Variants in GRK1 observed in about 807,000 individuals in gnomAD.
GRK1 encodes G protein-coupled receptor kinase 1.
GRK1 carries 28 observed loss-of-function variants against 41.7 expected under a neutral mutation model. That is an observed-to-expected ratio of 0.67 (90% CI 0.50 to 0.92). GRK1 has a LOEUF of 0.92. Ranked by LOEUF, GRK1 falls within the 40% of genes least tolerant of loss-of-function variation. The probability of loss-of-function intolerance (pLI) is 0.00; values close to 1 mark genes in which losing one functional copy is unlikely to be tolerated. For synonymous variants in GRK1, 327 were observed against 286.7 expected, an observed-to-expected ratio of 1.14 and a Z score of -1.42; for missense variants, 703 against 671.2, an observed-to-expected ratio of 1.05 and a Z score of -0.52.
chr13:113,662,539 T>C (rs80160937), upstream of GRK1, among the ~76,000 whole-genome samples: 4,199 of 152,340 alleles, frequency 0.028, 91 homozygotes, highest in Non-Finnish European at 0.04. Flanking sequence ...TGAATGCTTA[T>C]GTAGAAAATC....
chr13:113,671,615 AC>A lies in GRK1; in HGVS notation c.946del (p.Arg316AlafsTer70), dbSNP rs1167979044. ...CACCTGCACCAGAGGCGGATCGTCT[AC>A]CGCGACCTCAAGCCCGAGAACGTGC... The part of the protein sequence containing the change: ...LEHLHQRRIV[Y>X]RDLKPENVLL... On this transcript the variant is annotated frameshift_variant, in exon 3 of 7. Coordinates refer to ENST00000335678, the MANE Select transcript of GRK1 (RefSeq NM_002929.3). LOFTEE classifies it high-confidence loss of function. The surrounding 1 kb of genome is among the most constrained non-coding windows in gnomAD (Gnocchi z 4.1). 2 of 771,396 alleles carry A rather than the reference AC, an allele frequency of 2.6e-6. No homozygotes were observed. The highest frequency in any genetic ancestry group is 4.8e-6 in the Non-Finnish European group (2 of 417,740). 47.8% of individuals were successfully genotyped at this position (771,396 alleles called of 1,614,324 possible). A position where few individuals can be genotyped will look rare whatever the true frequency, so the allele number is the denominator to read the frequency against.
intron 4 of GRK1, among the ~76,000 whole-genome samples, chr13:113,728,181 G>C (rs1268798047): frequency 1.1e-4 from 12 of 111,062 alleles, no homozygotes. Context: ...CCCATGGCGA[G>C]GAGTACCCAT....
At chr13:113,660,663 C>A in the GRK1 span, among the ~76,000 whole-genome samples, 1 of 152,164 alleles carries the variant, frequency 6.6e-6, no homozygotes, top group East Asian at 1.9e-4. Context: ...CCAGGAGTTC[C>A]AGACCAGCCT....
intron 6 of GRK1, among the ~76,000 whole-genome samples, chr13:113,733,641 ATGTGTGCATACGTGTGTGTGCG>A (rs1347783461): frequency 9.2e-6 from 1 of 108,478 alleles, no homozygotes; most frequent in Non-Finnish European, 1.8e-5. Flanking sequence ...GTGCTCATGT[ATGTGTGCATACGTGTGTGTGCG>A]TGTGTGCACG....
At chr13:113,733,439 C>T (rs1361742001) in intron 6 of GRK1, among the ~76,000 whole-genome samples, 3 of 151,090 alleles carry the variant, frequency 2.0e-5, no homozygotes, top group Non-Finnish European at 4.4e-5. Context: ...GAAAGTCATC[C>T]ACCCACCAGC....
At chr13:113,659,307 A>G in the GRK1 span, among the ~76,000 whole-genome samples, 10 of 152,162 alleles carry the variant, frequency 6.6e-5, no homozygotes, top group African/African-American at 2.4e-4. Flanking sequence ...GGGCAAATGA[A>G]ATGTGCTCAG....
chr13:113,728,643 G>T (rs2049911635), intron 4 of GRK1, among the ~76,000 whole-genome samples: 1 of 152,146 alleles, frequency 6.6e-6, no homozygotes, highest in African/African-American at 2.4e-5. Context: ...ATCACTCAGA[G>T]ACGCCCCGGC....
the GRK1 span, chr13:113,654,745 G>A: frequency 9.8e-5 from 152 of 1,552,220 alleles, no homozygotes; most frequent in Middle Eastern, 1.9e-4. Context: ...TCCCCCGGGC[G>A]TCTCCAGAGC....
In GRK1 at chr13:113,731,599, C is replaced by A. The variant is rs981059148; in HGVS notation, c.1194+256C>A. ...TTCCCAGTCACCCTGTGCCCCAGAG[C>A]AAGCAGACCCTCCCACCAGACAGCA... On this transcript the variant is annotated intron_variant, in intron 5 of 6. Coordinates refer to ENST00000335678, the MANE Select transcript of GRK1 (RefSeq NM_002929.3). The surrounding 1 kb of genome is among the most constrained non-coding windows in gnomAD (Gnocchi z 5.6). Among the ~76,000 whole-genome samples, 2 of 152,156 alleles carry A rather than the reference C, an allele frequency of 1.3e-5. No homozygotes were observed. Among genetic ancestry groups the A allele is most frequent in the African/African-American group, 4.8e-5 (2 of 41,420 alleles).
At chr13:113,663,128 T>C (rs958629147), upstream of GRK1, among the ~76,000 whole-genome samples, 3 of 152,174 alleles carry the variant, frequency 2.0e-5, no homozygotes, top group African/African-American at 7.2e-5. Context: ...TTGTATGGTA[T>C]GGTCAGAGGG....
At position 113,731,489 on chromosome 13, in the gene GRK1, G is replaced by A. The variant is rs1212741091; in HGVS notation, c.1194+146G>A. On this transcript the variant is annotated intron_variant, in intron 5 of 6. Transcript: ENST00000335678. This position sits in a 1 kb window ranked among gnomAD's most constrained non-coding sequence, Gnocchi z 5.6. ...TGGGGAGGGCACAGATTCACGTGCT[G>A]GGGTCTTGCTCCTGGGCCATGCTGT... The A allele has an allele frequency of 8.3e-7, 1 of 1,201,684 alleles. No homozygotes were observed. The highest frequency in any genetic ancestry group is 1.5e-5 in the African/African-American group (1 of 65,696). 74.4% of individuals were successfully genotyped at this position (1,201,684 alleles called of 1,614,324 possible).
chr13:113,663,944 T>C (rs138378999), upstream of GRK1, among the ~76,000 whole-genome samples: 59 of 152,244 alleles, frequency 3.9e-4, 1 homozygote, highest in East Asian at 5.4e-3. Flanking sequence ...CCCAGAGAAA[T>C]AGAAACTTCT....
chr13:113,735,046 C>G (rs1222158883), intron 6 of GRK1, 22 bp from the exon 7 acceptor site: 2 of 1,473,096 alleles, frequency 1.4e-6, no homozygotes, highest in Admixed American at 4.6e-5. Context: ...AGCCTGGCGT[C>G]TGTGTTTTCT....
At chr13:113,735,010 A>C in intron 6 of GRK1, 58 bp from the exon 7 acceptor site, 1 of 1,433,172 alleles carries the variant, frequency 7.0e-7, no homozygotes, top group Non-Finnish European at 9.1e-7. Context: ...TTTTTGGCTA[A>C]ACGGCGCTTC....
chr13:113,667,513 C>T lies in GRK1; in HGVS notation c.127C>T (p.Pro43Ser). The T allele has an allele frequency of 6.2e-7, 1 of 1,613,164 alleles. No individual in the cohort carries two copies. The highest frequency in any genetic ancestry group is 1.7e-5 in the Admixed American group (1 of 59,962). Residue 43 changes from proline (P) to serine (S), a missense_variant, in exon 1 of 7, where the codon CCG (proline) becomes TCG (serine). Coordinates refer to ENST00000335678, the MANE Select transcript of GRK1 (RefSeq NM_002929.3). This position sits in a 1 kb window ranked among gnomAD's most constrained non-coding sequence, Gnocchi z 7.5. Reference sequence around the variant, plus strand: ...GTACCTGGCCAAGCTCAAGCTGCCCCCGCTGTCCAAGTGTGAGTCCCTCCG... The same window carrying T: ...GTACCTGGCCAAGCTCAAGCTGCCCTCGCTGTCCAAGTGTGAGTCCCTCCG... ...KKYLAKLKLPPLSKCESLRDS... is the reference protein window; with the variant it reads ...KKYLAKLKLPSLSKCESLRDS...
intron 3 of GRK1, among the ~76,000 whole-genome samples, chr13:113,672,415 G>GT (rs1555360535): frequency 9.2e-6 from 1 of 108,856 alleles, no homozygotes; most frequent in African/African-American, 3.6e-5. Flanking sequence ...TGTGGAATGT[G>GT]GTGTGTTCGT....
At chr13:113,662,017 C>A in the GRK1 span, among the ~76,000 whole-genome samples, 1 of 151,934 alleles carries the variant, frequency 6.6e-6, no homozygotes, top group Non-Finnish European at 1.5e-5. Context: ...AAGGATAGTT[C>A]AAAAAAGAGA....
chr13:113,666,300 TC>T (rs2049818464), upstream of GRK1, among the ~76,000 whole-genome samples: 6 of 146,854 alleles, frequency 4.1e-5, no homozygotes, highest in East Asian at 1.2e-3. Flanking sequence ...TTCCAGGTGT[TC>T]CCCAGCTGTC....
At position 113,733,811 on chromosome 13, in the gene GRK1, ATACGTGTG is replaced by A. The variant is rs1472145292; in HGVS notation, c.1396+728_1396+735del. On this transcript the variant is annotated intron_variant, in intron 6 of 6. Coordinates refer to ENST00000335678, the MANE Select transcript of GRK1 (RefSeq NM_002929.3). Reference sequence around the variant, plus strand: ...CATGTGTGTATGTGTATCTGTGTGCATACGTGTGTGCGTGTGTGTGCACGTGCGTGTGC... The same window carrying A: ...CATGTGTGTATGTGTATCTGTGTGCATGCGTGTGTGTGCACGTGCGTGTGC... Among the ~76,000 whole-genome samples, 7 of 77,698 alleles carry A rather than the reference ATACGTGTG, an allele frequency of 9.0e-5. 1 individual carries two copies. The highest frequency in any genetic ancestry group is 3.7e-4 in the East Asian group (1 of 2,720). 51.0% of individuals were successfully genotyped at this position (77,698 alleles called of 152,430 possible).
Sources: allele counts gnomAD v4.1 joint callset (sites outside exome capture counted in the v4.1 genomes callset), GRCh38; gene constraint gnomAD v4.1.1; non-coding constraint Gnocchi (gnomAD v3.1); transcripts MANE v1.5; gene names NCBI Gene and HGNC (gene_info 2026-07-23, HGNC 2026-07-21).